LARS2: variants seen among roughly 807,000 people sequenced by gnomAD.
The protein encoded by LARS2 is leucyl-tRNA synthetase 2, mitochondrial.
Under a neutral mutation model 116.6 loss-of-function variants are expected in LARS2, and 81 were observed. The observed-to-expected ratio is 0.69, with a 90% CI of 0.58 to 0.84. The LOEUF is 0.84. LARS2 is among the 40% of genes least tolerant of loss of function. The pLI, the probability that LARS2 is intolerant of heterozygous loss-of-function variation, is 0.00. For synonymous variants in LARS2, 396 were observed against 407.2 expected (o/e 0.97, Z 0.33); for missense variants, 968 against 1,114.5 (o/e 0.87, Z 1.87).
Position 45,484,229 on chromosome 3 carries a change from T to C in LARS2, c.1019-1463T>C, listed in dbSNP as rs1699754961. ...TTAATTTTGGGGTTTGCAAAGTAGA[T>C]AATTACATGAAATCTTAAAACATGG... On this transcript the variant is annotated intron_variant, in intron 10 of 21. Coordinates refer to ENST00000645846, the MANE Select transcript of LARS2 (RefSeq NM_015340.4). 2.0e-5 allele frequency among the ~76,000 whole-genome samples: 3 copies of C among 152,196 alleles called. No individual in the cohort carries two copies. The South Asian group carries it at 6.2e-4, about 32-fold the overall frequency.
chr3:45,518,954 ATGTAGG>A (rs1700411581), intron 18 of LARS2, among the ~76,000 whole-genome samples: 1 of 152,146 alleles, frequency 6.6e-6, no homozygotes. Flanking sequence ...CCCTGAATGA[ATGTAGG>A]GGTCTGAGTG....
intron 15 of LARS2, among the ~76,000 whole-genome samples, chr3:45,511,787 T>G (rs950952479): frequency 1.9e-4 from 27 of 142,698 alleles, no homozygotes; most frequent in African/African-American, 7.1e-4. Context: ...TTTTTTTTTT[T>G]TTTTTTTGGA....
chr3:45,487,905 T>C (rs891881074), intron 11 of LARS2, among the ~76,000 whole-genome samples: 3 of 152,196 alleles, frequency 2.0e-5, no homozygotes, highest in African/African-American at 7.2e-5. Flanking sequence ...AAATGTCTAC[T>C]TAGAATGTAC....
chr3:45,404,316 C>A (rs1698199802), intron 4 of LARS2, among the ~76,000 whole-genome samples: 1 of 152,204 alleles, frequency 6.6e-6, no homozygotes, highest in South Asian at 2.1e-4. Flanking sequence ...TAAGTCACAG[C>A]ATCTCAGATA....
chr3:45,389,708 A>G (rs1697906978), intron 1 of LARS2, among the ~76,000 whole-genome samples: 1 of 152,232 alleles, frequency 6.6e-6, no homozygotes, highest in Non-Finnish European at 1.5e-5. Flanking sequence ...ACGGAACTGG[A>G]GGAGCCCGAG....
intron 6 of LARS2, among the ~76,000 whole-genome samples, chr3:45,436,354 A>AC (rs1193823640): frequency 2.0e-5 from 3 of 152,068 alleles, no homozygotes. Flanking sequence ...TTCAAAAAAA[A>AC]AAAAACAAAA....
intron 15 of LARS2, among the ~76,000 whole-genome samples, chr3:45,504,160 A>AT (rs749761124): frequency 6.6e-4 from 100 of 151,182 alleles, no homozygotes; most frequent in African/African-American, 2.1e-3. Context: ...TCCAATTACT[A>AT]TTTTTTTTTA....
chr3:45,430,001 C>CTTTTT (rs1559466268), intron 6 of LARS2, among the ~76,000 whole-genome samples: 5 of 58,934 alleles, frequency 8.5e-5, no homozygotes, highest in East Asian at 5.4e-4. Context: ...CATGCCCAGC[C>CTTTTT]TCTTTTTTTT....
chr3:45,488,658 T>C, intron 11 of LARS2, 39 bp from the exon 12 acceptor site: 1 of 1,278,906 alleles, frequency 7.8e-7, no homozygotes, highest in Non-Finnish European at 1.1e-6. Context: ...ATTTGGGCAC[T>C]TGTGAAGGAA....
In LARS2 at chr3:45,549,212, C is replaced by T. The variant is rs1700914032; in HGVS notation, c.*1682C>T. On this transcript the variant is annotated 3_prime_UTR_variant, in exon 22 of 22. Coordinates refer to ENST00000645846, the MANE Select transcript of LARS2 (RefSeq NM_015340.4). ...GAGAATCACTGGACACATTGATGCA[C>T]TTGAGCCATCATTTCTATCTAGTTC... 1 of 152,196 alleles carries T rather than the reference C, an allele frequency of 6.6e-6. No individual in the cohort carries two copies. Among genetic ancestry groups the T allele is most frequent in the Non-Finnish European group, 1.5e-5 (1 of 68,044 alleles). 9.4% of individuals were successfully genotyped at this position (152,196 alleles called of 1,614,324 possible).
At chr3:45,435,403 C>T (rs981241871) in intron 6 of LARS2, among the ~76,000 whole-genome samples, 1 of 152,186 alleles carries the variant, frequency 6.6e-6, no homozygotes, top group Non-Finnish European at 1.5e-5. Context: ...ATTATTGCCC[C>T]TCAAGGGTAT....
intron 3 of LARS2, among the ~76,000 whole-genome samples, 189 bp from the exon 4 acceptor site, chr3:45,400,056 T>G (rs372118163): frequency 5.9e-5 from 9 of 152,350 alleles, no homozygotes; most frequent in East Asian, 1.9e-4. Context: ...TGGACATTCT[T>G]TAGCTTAAAC....
At chr3:45,412,891 T>C (rs1053706681) in intron 4 of LARS2, among the ~76,000 whole-genome samples, 2 of 152,214 alleles carry the variant, frequency 1.3e-5, no homozygotes, top group African/African-American at 4.8e-5. Context: ...CTGGGGCAAT[T>C]GGAGGCAGGC....
At chr3:45,432,978 G>A (rs191897153) in intron 6 of LARS2, among the ~76,000 whole-genome samples, 19 of 151,980 alleles carry the variant, frequency 1.3e-4, no homozygotes, top group East Asian at 1.9e-4. Context: ...ACTATGAAGC[G>A]TATATGAAAT....
intron 20 of LARS2, 50 bp downstream of exon 20, chr3:45,524,158 C>T (rs757648908): frequency 1.9e-5 from 23 of 1,234,682 alleles, no homozygotes; most frequent in South Asian, 7.4e-5. Context: ...TAGAATTTGT[C>T]GAAGCCTCTT....
intron 4 of LARS2, among the ~76,000 whole-genome samples, chr3:45,411,746 A>G (rs547689143): frequency 1.3e-5 from 2 of 152,298 alleles, no homozygotes; most frequent in South Asian, 4.1e-4. Flanking sequence ...TGCAGGTTAT[A>G]TAGCTATACT....
intron 4 of LARS2, among the ~76,000 whole-genome samples, chr3:45,401,623 T>TAA (rs912364364): frequency 1.3e-5 from 2 of 152,252 alleles, no homozygotes; most frequent in East Asian, 3.9e-4. Flanking sequence ...GCCTGCTTTT[T>TAA]AAAAAAATTT....
intron 20 of LARS2, among the ~76,000 whole-genome samples, chr3:45,535,422 G>T: frequency 6.6e-6 from 1 of 151,958 alleles, no homozygotes; most frequent in Non-Finnish European, 1.5e-5. Context: ...GAGCTCCTTG[G>T]TGGTGCTCGT....
chr3:45,412,116 C>T (rs1380165557), intron 4 of LARS2, among the ~76,000 whole-genome samples: 2 of 152,104 alleles, frequency 1.3e-5, no homozygotes, highest in African/African-American at 2.4e-5. Flanking sequence ...GTTGAGTCCA[C>T]GTCTTTGCTA....
Sources: gnomAD v4.1 joint callset for allele counts (sites outside exome capture counted in the v4.1 genomes callset) on GRCh38, gnomAD v4.1.1 for gene constraint, MANE v1.5 for transcripts, NCBI Gene and HGNC (gene_info 2026-07-23, HGNC 2026-07-21) for gene names.